The following DTNBP1 variants were observed in gnomAD, a reference collection of about 807,000 sequenced individuals.
DTNBP1 encodes dysbindin.
DTNBP1 carries 35 observed loss-of-function variants against 42.8 expected under a neutral mutation model. The ratio of observed to expected loss-of-function variants is 0.82; its 90% CI spans 0.63 to 1.09. The LOEUF (loss-of-function observed/expected upper bound fraction) is 1.09. Ranked by LOEUF, DTNBP1 falls within the 50% of genes least tolerant of loss-of-function variation. The pLI is 0.00. For missense variants in DTNBP1, 457 were observed against 424.2 expected (o/e 1.08, Z -0.68); for synonymous variants, 171 against 162.2 (o/e 1.05, Z -0.41).
At chr6:15,615,018 C>A in intron 6 of DTNBP1, 1 of 593,876 alleles carries the variant, frequency 1.7e-6, no homozygotes, top group Non-Finnish European at 3.1e-6. Flanking sequence ...GAAAACTTTG[C>A]CCTGTGCTCC....
intron 1 of DTNBP1, among the ~76,000 whole-genome samples, chr6:15,656,133 TC>T (rs1273883984): frequency 6.6e-6 from 1 of 152,126 alleles, no homozygotes; most frequent in Non-Finnish European, 1.5e-5. Flanking sequence ...ATAAAGGTGA[TC>T]CCCATCAAGA....
At chr6:15,640,952 G>A (rs1028031558) in intron 3 of DTNBP1, among the ~76,000 whole-genome samples, 1 of 152,156 alleles carries the variant, frequency 6.6e-6, no homozygotes, top group African/African-American at 2.4e-5. Context: ...GTCAAGGTGG[G>A]CCAATAAGGA....
intron 5 of DTNBP1, among the ~76,000 whole-genome samples, chr6:15,626,522 C>T (rs1581408683): frequency 1.3e-5 from 2 of 152,254 alleles, no homozygotes; most frequent in East Asian, 3.9e-4. Context: ...AGGTTATTAG[C>T]TCATACAGAC....
At chr6:15,567,076 T>TAA (rs1775125862) in intron 7 of DTNBP1, among the ~76,000 whole-genome samples, 1 of 152,190 alleles carries the variant, frequency 6.6e-6, no homozygotes, top group South Asian at 2.1e-4. Flanking sequence ...TATAGCACCT[T>TAA]TTAAAGGTCT....
chr6:15,595,425 C>T (rs927533043), intron 6 of DTNBP1, among the ~76,000 whole-genome samples: 1 of 151,848 alleles, frequency 6.6e-6, no homozygotes, highest in South Asian at 2.1e-4. Context: ...CCACCACATG[C>T]CTGGCTAATT....
At chr6:15,559,577 G>A (rs1774724895) in intron 7 of DTNBP1, among the ~76,000 whole-genome samples, 1 of 152,126 alleles carries the variant, frequency 6.6e-6, no homozygotes, top group Admixed American at 6.5e-5. Context: ...CTGTTTGGTG[G>A]TCTGCTGCTG....
chr6:15,539,484 T>C (rs1773437243), intron 7 of DTNBP1, among the ~76,000 whole-genome samples: 1 of 152,202 alleles, frequency 6.6e-6, no homozygotes, highest in Non-Finnish European at 1.5e-5. Context: ...GTGCGCTCAT[T>C]GGGATGCACA....
chr6:15,632,654 T>C (rs937546806), intron 4 of DTNBP1, among the ~76,000 whole-genome samples: 3 of 152,210 alleles, frequency 2.0e-5, no homozygotes, highest in Non-Finnish European at 4.4e-5. Flanking sequence ...GAAGCTGTCT[T>C]CCATTAAAAA....
intron 7 of DTNBP1, among the ~76,000 whole-genome samples, chr6:15,539,516 C>T (rs1043429402): frequency 8.5e-5 from 13 of 152,222 alleles, no homozygotes; most frequent in South Asian, 4.1e-4. Flanking sequence ...CTCACAGCCA[C>T]GCCTGTGTGG....
At chr6:15,548,272 T>C (rs989490127) in intron 7 of DTNBP1, 7 of 152,220 alleles carry the variant, frequency 4.6e-5, no homozygotes, top group African/African-American at 1.4e-4. Flanking sequence ...GATAACCTGG[T>C]ATGCTTGTTA....
At chr6:15,570,470 C>T (rs1347795947) in intron 7 of DTNBP1, among the ~76,000 whole-genome samples, 23 of 152,184 alleles carry the variant, frequency 1.5e-4, no homozygotes, top group South Asian at 4.1e-4. Flanking sequence ...GTCACCTGAA[C>T]GAACCCATCA....
chr6:15,581,938 C>T (rs1362735643), intron 7 of DTNBP1, among the ~76,000 whole-genome samples: 1 of 152,152 alleles, frequency 6.6e-6, no homozygotes, highest in African/African-American at 2.4e-5. Context: ...TGAGCTTCAA[C>T]CCACATCTCA....
intron 4 of DTNBP1, among the ~76,000 whole-genome samples, chr6:15,633,654 T>C (rs972206391): frequency 2.0e-5 from 3 of 152,182 alleles, no homozygotes; most frequent in East Asian, 1.9e-4. Flanking sequence ...TCAAACAGCA[T>C]TGCATGCTAC....
At position 15,602,028 on chromosome 6, in the gene DTNBP1, T is replaced by C. The variant is rs1776751864; in HGVS notation, c.489-8947A>G. 2.0e-5 allele frequency among the ~76,000 whole-genome samples: 3 copies of C among 152,114 alleles called. No individual in the cohort carries two copies. The South Asian group carries it at 6.2e-4, about 32-fold the overall frequency. Reference sequence around the variant, plus strand: ...AATTCAAACCTGTAATCCCAGCTACTTGGGAGGCTGAGGCAGGAGGACCTC... The same window carrying C: ...AATTCAAACCTGTAATCCCAGCTACCTGGGAGGCTGAGGCAGGAGGACCTC... On this transcript the variant is annotated intron_variant, in intron 6 of 9. Coordinates refer to ENST00000344537, the MANE Select transcript of DTNBP1 (RefSeq NM_032122.5).
intron 6 of DTNBP1, among the ~76,000 whole-genome samples, chr6:15,610,527 C>T (rs974869306): frequency 2.0e-5 from 3 of 152,230 alleles, no homozygotes; most frequent in African/African-American, 7.2e-5. Flanking sequence ...AATAATCAAG[C>T]TTAGTGAGGA....
intron 7 of DTNBP1, among the ~76,000 whole-genome samples, chr6:15,584,970 T>C (rs1776003873): frequency 6.8e-6 from 1 of 147,532 alleles, no homozygotes. Context: ...TGTATTTATA[T>C]ATATATATAA....
At chr6:15,603,113 G>C (rs1010980155) in intron 6 of DTNBP1, among the ~76,000 whole-genome samples, 2 of 152,178 alleles carry the variant, frequency 1.3e-5, no homozygotes, top group Non-Finnish European at 2.9e-5. Context: ...AGACACTTTA[G>C]AGCAAAAATT....
chr6:15,528,576 C>T (rs1039513765), intron 8 of DTNBP1, among the ~76,000 whole-genome samples: 4 of 152,122 alleles, frequency 2.6e-5, no homozygotes, highest in African/African-American at 9.7e-5. Flanking sequence ...ACAGAAACTG[C>T]CAAAGGTGTC....
In DTNBP1 at chr6:15,522,826, A is replaced by ATTGT. The variant is rs1159014718; in HGVS notation, c.*145_*148dup. On this transcript the variant is annotated 3_prime_UTR_variant, in exon 10 of 10. Transcript: ENST00000344537. ...TCTCAGTTTACCGTCCTCACACTTT[A>ATTGT]TTGTTAGCTGTTCTTTAAGTTTCTC... The ATTGT allele has an allele frequency of 2.4e-5, 34 of 1,390,704 alleles. 1 individual carries two copies. The East Asian group carries it at 4.4e-4, about 18-fold the overall frequency. The allele number at this position is 1,390,704 out of a possible 1,614,324, so 86.1% of individuals were successfully genotyped here.
Sources: gnomAD v4.1 joint callset for allele counts (sites outside exome capture counted in the v4.1 genomes callset) on GRCh38, gnomAD v4.1.1 for gene constraint, MANE v1.5 for transcripts, NCBI Gene and HGNC (gene_info 2026-07-23, HGNC 2026-07-21) for gene names.